Variants in EXOC6B observed in about 807,000 individuals in gnomAD.
EXOC6B encodes the protein exocyst complex component 6B.
Under a neutral mutation model 113.5 loss-of-function variants are expected in EXOC6B, and 54 were observed. The ratio of observed to expected loss-of-function variants is 0.48; its 90% confidence interval spans 0.38 to 0.60. EXOC6B has a LOEUF of 0.60. Among genes scored for constraint, EXOC6B ranks in the 20% least tolerant of loss-of-function variants. EXOC6B has a pLI of 0.00. For synonymous variants in EXOC6B, 357 were observed against 339.0 expected, an observed-to-expected ratio of 1.05 and a Z score of -0.58; for missense variants, 797 against 977.5, an observed-to-expected ratio of 0.82 and a Z score of 2.46.
At chr2:72,501,087 T>C (rs1234232229) in intron 11 of EXOC6B, among the ~76,000 whole-genome samples, 4 of 152,218 alleles carry the variant, frequency 2.6e-5, no homozygotes, top group Non-Finnish European at 5.9e-5. Flanking sequence ...TTTCAGCTAA[T>C]CTTAATATAT....
intron 7 of EXOC6B, among the ~76,000 whole-genome samples, chr2:72,566,403 A>C (rs1160144395): frequency 6.6e-6 from 1 of 152,130 alleles, no homozygotes; most frequent in Non-Finnish European, 1.5e-5. Flanking sequence ...TTATGGATAT[A>C]CCACAGTTCA....
intron 12 of EXOC6B, 96 bp from the exon 13 acceptor site, chr2:72,498,647 A>C: frequency 1.5e-6 from 1 of 656,492 alleles, no homozygotes; most frequent in Non-Finnish European, 2.5e-6. Flanking sequence ...TAAGATACTG[A>C]AAAACATTAC....
chr2:72,332,618 AG>A (rs1688473282), intron 20 of EXOC6B, among the ~76,000 whole-genome samples: 1 of 152,070 alleles, frequency 6.6e-6, no homozygotes, highest in Non-Finnish European at 1.5e-5. Context: ...TTGCTGCTTT[AG>A]GGTAGTGGAA....
intron 6 of EXOC6B, among the ~76,000 whole-genome samples, chr2:72,590,047 G>T (rs1705834097): frequency 6.6e-6 from 1 of 151,948 alleles, no homozygotes; most frequent in Admixed American, 6.6e-5. Context: ...TACTAGAAAA[G>T]CCAGGACATA....
intron 19 of EXOC6B, among the ~76,000 whole-genome samples, chr2:72,376,903 T>G (rs1443016237): frequency 1.3e-5 from 2 of 152,034 alleles, no homozygotes; most frequent in South Asian, 4.1e-4. Context: ...AGAAGGCATT[T>G]TTTTTTTTAT....
At chr2:72,747,639 A>G (rs1000199691) in intron 1 of EXOC6B, among the ~76,000 whole-genome samples, 16 of 152,088 alleles carry the variant, frequency 1.1e-4, no homozygotes, top group Non-Finnish European at 2.4e-4. Flanking sequence ...AACATTGTTC[A>G]GTCTTCAAAG....
chr2:72,410,163 G>A (rs1573058940), intron 18 of EXOC6B, among the ~76,000 whole-genome samples: 1 of 152,152 alleles, frequency 6.6e-6, no homozygotes, highest in South Asian at 2.1e-4. Context: ...TCTGTAGGAC[G>A]ACTTTGAAGC....
At chr2:72,788,410 G>A (rs1385329160) in intron 1 of EXOC6B, among the ~76,000 whole-genome samples, 1 of 152,134 alleles carries the variant, frequency 6.6e-6, no homozygotes, top group Admixed American at 6.5e-5. Context: ...CTGGAAAGTG[G>A]GGTTCTTTTT....
intron 20 of EXOC6B, among the ~76,000 whole-genome samples, chr2:72,212,572 T>C (rs1680261546): frequency 6.6e-6 from 1 of 152,198 alleles, no homozygotes; most frequent in African/African-American, 2.4e-5. Flanking sequence ...AAAATGCATT[T>C]GACTTAGACA....
At chr2:72,822,150 A>G (rs1014299834) in intron 1 of EXOC6B, among the ~76,000 whole-genome samples, 5 of 152,214 alleles carry the variant, frequency 3.3e-5, no homozygotes, top group East Asian at 3.8e-4. Context: ...GATTTGAAAA[A>G]TGAAAACAGG....
At chr2:72,197,706 A>G (rs1330387836) in intron 20 of EXOC6B, among the ~76,000 whole-genome samples, 1 of 152,122 alleles carries the variant, frequency 6.6e-6, no homozygotes, top group African/African-American at 2.4e-5. Context: ...TTGAAGGCTG[A>G]CTGAATGTTG....
chr2:72,567,572 T>C (rs1704258368), intron 7 of EXOC6B, among the ~76,000 whole-genome samples: 1 of 152,082 alleles, frequency 6.6e-6, no homozygotes, highest in South Asian at 2.1e-4. Flanking sequence ...AAAAGGGGTA[T>C]ACCTAATGCC....
intron 20 of EXOC6B, among the ~76,000 whole-genome samples, chr2:72,298,677 C>G (rs188156356): frequency 2.6e-5 from 4 of 152,238 alleles, no homozygotes; most frequent in South Asian, 4.2e-4. Flanking sequence ...GTAAGGCAGG[C>G]CTGGTGGTGA....
chr2:72,759,648 A>T (rs898244601), intron 1 of EXOC6B, among the ~76,000 whole-genome samples: 2 of 152,174 alleles, frequency 1.3e-5, no homozygotes, highest in Non-Finnish European at 2.9e-5. Context: ...AACCCAAAAA[A>T]CTCTAGAATC....
intron 8 of EXOC6B, among the ~76,000 whole-genome samples, chr2:72,530,599 G>C (rs1186146438): frequency 6.6e-6 from 1 of 152,022 alleles, no homozygotes. Context: ...TCATCTTATT[G>C]GTTGATGATG....
chr2:72,495,328 C>A, intron 15 of EXOC6B, 102 bp downstream of exon 15: 1 of 600,756 alleles, frequency 1.7e-6, no homozygotes, highest in Non-Finnish European at 2.9e-6. Context: ...TTAAGATTTC[C>A]AAAATCAGGG....
At chr2:72,260,845 C>T (rs1234978237) in intron 20 of EXOC6B, among the ~76,000 whole-genome samples, 2 of 152,126 alleles carry the variant, frequency 1.3e-5, no homozygotes, top group Non-Finnish European at 2.9e-5. Context: ...TGATAATCTA[C>T]AGAATTTCTT....
chr2:72,712,874 T>C (rs995777518), intron 6 of EXOC6B, among the ~76,000 whole-genome samples: 2 of 152,086 alleles, frequency 1.3e-5, no homozygotes, highest in African/African-American at 4.8e-5. Flanking sequence ...CTAAAGACCT[T>C]TAGATTTTAA....
intron 1 of EXOC6B, among the ~76,000 whole-genome samples, chr2:72,746,267 TAGTAA>T (rs989778531): frequency 1.3e-5 from 2 of 152,042 alleles, no homozygotes; most frequent in Non-Finnish European, 2.9e-5. Flanking sequence ...ATAATATTCT[TAGTAA>T]AGTATATACT....
Sources: gnomAD v4.1 joint callset for allele counts (sites outside exome capture counted in the v4.1 genomes callset) on GRCh38, gnomAD v4.1.1 for gene constraint, MANE v1.5 for transcripts, NCBI Gene and HGNC (gene_info 2026-07-23, HGNC 2026-07-21) for gene names.